KCNMB3: variants seen among roughly 807,000 people sequenced by gnomAD.
KCNMB3 encodes the protein calcium-activated potassium channel subunit beta-3.
A neutral mutation model predicts 11.9 loss-of-function variants in KCNMB3; 18 were observed. The observed-to-expected ratio is 1.51, with a 90% CI of 1.04 to 2.23. The LOEUF is 2.23. Ranked by LOEUF, KCNMB3 falls within the 30% of genes most tolerant of loss-of-function variation. The pLI, the probability that KCNMB3 is intolerant of heterozygous loss-of-function variation, is 0.00. For synonymous variants in KCNMB3, 78 were observed against 119.2 expected (o/e 0.65, Z 2.25); for missense variants, 247 against 329.4 (o/e 0.75, Z 1.94).
chr3:179,259,315 T>C, intron 1 of KCNMB3: 3 of 1,562,704 alleles, frequency 1.9e-6, no homozygotes, highest in Non-Finnish European at 2.6e-6. Context: ...TTGCTTTAAG[T>C]GGCACCAGCT....
chr3:179,243,566 A>G (rs937482074), intron 2 of KCNMB3, among the ~76,000 whole-genome samples: 1 of 152,228 alleles, frequency 6.6e-6, no homozygotes, highest in African/African-American at 2.4e-5. Flanking sequence ...ACTCCTCCCT[A>G]CATGCAGGTT....
At chr3:179,259,716 TTC>T (rs1385557307) in intron 1 of KCNMB3, 2 of 1,578,814 alleles carry the variant, frequency 1.3e-6, no homozygotes, top group East Asian at 2.2e-5. Flanking sequence ...TTTTTTCCTC[TTC>T]TTTTTCTTTT....
chr3:179,266,125 A>T (rs1372116698), intron 1 of KCNMB3, among the ~76,000 whole-genome samples: 1 of 152,204 alleles, frequency 6.6e-6, no homozygotes, highest in Non-Finnish European at 1.5e-5. Flanking sequence ...AGATGAGGCA[A>T]ACAGAGAAGT....
intron 1 of KCNMB3, among the ~76,000 whole-genome samples, chr3:179,258,195 TA>T (rs1726085579): frequency 6.6e-6 from 1 of 152,174 alleles, no homozygotes; most frequent in South Asian, 2.1e-4. Context: ...CAAAAACATT[TA>T]AAAAATGACT....
At chr3:179,259,550 C>G (rs1222066408) in intron 1 of KCNMB3, 36 of 1,610,270 alleles carry the variant, frequency 2.2e-5, no homozygotes, top group African/African-American at 4.0e-5. Flanking sequence ...CTGCAATTTT[C>G]TGTTTTGGAT....
intron 1 of KCNMB3, chr3:179,260,304 G>C: frequency 6.2e-7 from 1 of 1,614,022 alleles, no homozygotes; most frequent in Non-Finnish European, 8.5e-7. Flanking sequence ...TTCAGGGAGA[G>C]AAGCGCTCTC....
rs1341296226 is a variant in KCNMB3, at chr3:179,250,835, G to C, written c.156C>G (p.Asp52Glu). 1 of 1,614,008 alleles carries C rather than the reference G, an allele frequency of 6.2e-7. No homozygotes were observed. Among genetic ancestry groups the C allele is most frequent in the African/African-American group, 1.3e-5 (1 of 74,920 alleles). ...HKRLPSSAGE[D>E]RAVMLGFAMM... ...TGGCAAACCCCAGCATCACGGCTCG[G>C]TCCTCTCCAGCACTGGATGGCAGCC... The change falls in exon 1 of 3, where the codon GAC (aspartate) becomes GAG (glutamate). Residue 52 changes from aspartate to glutamate, a missense_variant. By Grantham distance (45) the Asp-to-Glu change is conservative. This residue lies in a region of KCNMB3 where 160 missense variants were observed against 157.5 expected (regional missense o/e 1.02). Coordinates refer to ENST00000392685, the MANE Select transcript of KCNMB3 (RefSeq NM_171830.2).
intron 1 of KCNMB3, among the ~76,000 whole-genome samples, chr3:179,262,550 A>C (rs1726252149): frequency 6.6e-6 from 1 of 152,238 alleles, no homozygotes; most frequent in African/African-American, 2.4e-5. Flanking sequence ...CACAGCGTGG[A>C]AAGGGACCTG....
In KCNMB3 at chr3:179,242,808, C is replaced by A. The variant is rs1725496826; in HGVS notation, c.*96G>T. 22 of 1,456,788 alleles carry A rather than the reference C, an allele frequency of 1.5e-5. No individual in the cohort carries two copies. Among genetic ancestry groups the A allele is most frequent in the Non-Finnish European group, 1.9e-5 (21 of 1,101,312 alleles). 90.2% of individuals were successfully genotyped at this position (1,456,788 alleles called of 1,614,324 possible). On this transcript the variant is annotated 3_prime_UTR_variant, in exon 3 of 3. Transcript: ENST00000392685. Reference sequence around the variant, plus strand: ...TGAAAATATGATACTTTAATTATTACCTTTTACATTATTAGTTTGCAGACA... The same window carrying A: ...TGAAAATATGATACTTTAATTATTAACTTTTACATTATTAGTTTGCAGACA...
chr3:179,264,704 C>G (rs1032883802), intron 1 of KCNMB3, among the ~76,000 whole-genome samples: 1 of 152,172 alleles, frequency 6.6e-6, no homozygotes, highest in African/African-American at 2.4e-5. Context: ...CCCTCCAGCA[C>G]TGAAACTTTT....
intron 1 of KCNMB3, among the ~76,000 whole-genome samples, chr3:179,262,737 A>C (rs1057004317): frequency 6.6e-6 from 1 of 152,224 alleles, no homozygotes; most frequent in East Asian, 1.9e-4. Flanking sequence ...GCTAGACACA[A>C]AGGTTCTCCA....
Position 179,244,677 on chromosome 3 carries a change from A to G in KCNMB3, c.265T>C (p.Ser89Pro). Reference protein sequence around the residue: ...PFMLSIQREESTCTAIHTDIM... With the variant: ...PFMLSIQREEPTCTAIHTDIM... Reference sequence around the variant, plus strand: ...TCTGTGTGGATGGCAGTGCAGGTCGATTCTTCTCTCTGAATGCTTCAATTT... The same window carrying G: ...TCTGTGTGGATGGCAGTGCAGGTCGGTTCTTCTCTCTGAATGCTTCAATTT... Residue 89 changes from serine to proline, a missense_variant, in exon 2 of 3, where the codon TCG (serine) becomes CCG (proline). By Grantham distance (74) the Ser-to-Pro change is moderately conservative. Transcript: ENST00000392685. The G allele has an allele frequency of 6.2e-7, 1 of 1,612,454 alleles. No homozygotes were observed. Among genetic ancestry groups the G allele is most frequent in the Non-Finnish European group, 8.5e-7 (1 of 1,179,396 alleles).
In KCNMB3 at chr3:179,259,508, C is replaced by A. The variant is rs1726131675; in HGVS notation, c.62+7141G>T. 2.5e-6 allele frequency: 4 copies of A among 1,612,026 alleles called. No homozygotes were observed. The East Asian group carries it at 6.7e-5, about 27-fold the overall frequency. On this transcript the variant is annotated intron_variant, in intron 1 of 3. Coordinates refer to the KCNMB3 transcript ENST00000349697. ...TTCCATCCAACTTCATTTTAGGATT[C>A]TCTGGACAATCAACATTTTCACTGC...
chr3:179,253,121 A>T (rs1250779926), upstream of KCNMB3, among the ~76,000 whole-genome samples: 2 of 152,136 alleles, frequency 1.3e-5, no homozygotes, highest in African/African-American at 4.8e-5. Context: ...AGTTTCCAGG[A>T]CCCAATATCC....
intron 1 of KCNMB3, chr3:179,259,723 T>C: frequency 6.3e-7 from 1 of 1,593,128 alleles, no homozygotes; most frequent in East Asian, 2.2e-5. Context: ...CTCTTCTTTT[T>C]CTTTTTCTTG....
At position 179,250,879 on chromosome 3, in the gene KCNMB3, G is replaced by C; in HGVS notation, c.112C>G (p.Pro38Ala). The change falls in exon 1 of 3, where the codon CCA becomes GCA. Residue 38 changes from proline to alanine, a missense_variant. Physicochemically the swap from Pro to Ala is conservative, Grantham distance 27 (BLOSUM62 -1). Transcript: ENST00000392685. ...KRETDYSDGD[P>A]LDVHKRLPSS... ...GGCAGCCTCTTGTGCACATCTAGTG[G>C]GTCTCCATCACTGTAGTCTGTCTCT... 2 of 1,614,132 alleles carry C rather than the reference G, an allele frequency of 1.2e-6. No homozygotes were observed. The highest frequency in any genetic ancestry group is 1.7e-6 in the Non-Finnish European group (2 of 1,180,026).
chr3:179,259,733 G>T (rs976432335), intron 1 of KCNMB3: 3 of 1,593,110 alleles, frequency 1.9e-6, no homozygotes, highest in African/African-American at 2.7e-5. Context: ...TCTTTTTCTT[G>T]TTCTTTCTCT....
intron 1 of KCNMB3, among the ~76,000 whole-genome samples, chr3:179,246,485 G>A (rs1725647341): frequency 6.6e-6 from 1 of 151,744 alleles, no homozygotes; most frequent in Admixed American, 6.6e-5. Flanking sequence ...TAATCTCTTT[G>A]ACCAAAATAA....
intron 1 of KCNMB3, among the ~76,000 whole-genome samples, chr3:179,266,122 GCAAA>G (rs1726363993): frequency 6.6e-6 from 1 of 152,298 alleles, no homozygotes; most frequent in Admixed American, 6.5e-5. Context: ...AGGAGATGAG[GCAAA>G]CAGAGAAGTT....
Sources: allele counts gnomAD v4.1 joint callset (sites outside exome capture counted in the v4.1 genomes callset), GRCh38; gene constraint gnomAD v4.1.1; regional missense constraint gnomAD v4.1.1; transcripts MANE v1.5; gene names NCBI Gene and HGNC (gene_info 2026-07-23, HGNC 2026-07-21).